ADAM12: variants seen among roughly 807,000 people sequenced by gnomAD.
The protein encoded by ADAM12 is disintegrin and metalloproteinase domain-containing protein 12.
Under a neutral mutation model 106.4 loss-of-function variants are expected in ADAM12, and 70 were observed. The observed-to-expected ratio is 0.66, with a 90% CI of 0.54 to 0.80. The LOEUF is 0.80. Among genes scored for constraint, ADAM12 ranks in the 30% least tolerant of loss-of-function variants. The pLI is 0.00. For synonymous variants in ADAM12, 420 were observed against 433.5 expected (o/e 0.97, Z 0.39); for missense variants, 1,010 against 1,171.9 (o/e 0.86, Z 2.02).
At chr10:126,185,595 G>C (rs1222093185) in intron 3 of ADAM12, among the ~76,000 whole-genome samples, 1 of 151,942 alleles carries the variant, frequency 6.6e-6, no homozygotes, top group Non-Finnish European at 1.5e-5. Context: ...TAGCAAAAAA[G>C]CTTCCCAAAA....
rs1407738218 is a variant in ADAM12 at position 126,014,866 on chromosome 10, T to TATTG, written c.*2409_*2412dup. The TATTG allele has an allele frequency of 2.7e-5, 4 of 150,650 alleles. No homozygotes were observed. The highest frequency in any genetic ancestry group is 4.4e-5 in the Non-Finnish European group (3 of 68,016). 9.3% of individuals were successfully genotyped at this position (150,650 alleles called of 1,614,324 possible). On this transcript the variant is annotated 3_prime_UTR_variant, in exon 23 of 23. Transcript: ENST00000448723. Reference sequence around the variant, plus strand: ...TACTAGATTGCCATTGAAATATAAGTATTGATTTTTTTTGTTTTGAGGATA... The same window carrying TATTG: ...TACTAGATTGCCATTGAAATATAAGTATTGATTGATTTTTTTTGTTTTGAGGATA...
At chr10:126,033,380 A>C (rs974541948) in intron 21 of ADAM12, among the ~76,000 whole-genome samples, 1 of 152,222 alleles carries the variant, frequency 6.6e-6, no homozygotes, top group East Asian at 1.9e-4. Flanking sequence ...GAATAAGTAC[A>C]TTTCACCCTA....
intron 1 of ADAM12, among the ~76,000 whole-genome samples, chr10:126,387,173 C>T (rs1856692462): frequency 6.6e-6 from 1 of 152,132 alleles, no homozygotes; most frequent in Non-Finnish European, 1.5e-5. Flanking sequence ...GACAGCGCCC[C>T]GGGCGGCAGA....
chr10:126,330,973 A>T (rs1200565960), intron 1 of ADAM12, among the ~76,000 whole-genome samples: 2 of 152,208 alleles, frequency 1.3e-5, no homozygotes. Flanking sequence ...GCACTTATGG[A>T]GTCTAATTTT....
chr10:126,344,658 T>A (rs978183444), intron 1 of ADAM12, among the ~76,000 whole-genome samples: 4 of 152,244 alleles, frequency 2.6e-5, no homozygotes, highest in Non-Finnish European at 5.9e-5. Context: ...TCCATGAGCA[T>A]GGAATCTTCT....
chr10:126,219,143 A>T (rs923303273), intron 3 of ADAM12, among the ~76,000 whole-genome samples: 1 of 152,204 alleles, frequency 6.6e-6, no homozygotes, highest in African/African-American at 2.4e-5. Context: ...GGCTCAGGCT[A>T]TTTGGGGTTT....
rs1167535323 is a variant in ADAM12 at position 126,041,980 on chromosome 10, T to TC, written c.2104+1059dup. 2.7e-5 allele frequency: 39 copies of TC among 1,431,188 alleles called. No individual in the cohort carries two copies. The Admixed American group carries it at 1.1e-3, about 39-fold the overall frequency. The allele number at this position is 1,431,188 out of a possible 1,614,324, so 88.7% of individuals were successfully genotyped here. A position where few individuals can be genotyped will look rare whatever the true frequency, so the allele number is the denominator to read the frequency against. ...GCAGACGTGCCTGGTAGGCTGGACT[T>TC]CCCCTCCTGAGCCCCGAGAACTGTG... On this transcript the variant is annotated intron_variant, in intron 18 of 22. Transcript: ENST00000448723.
At chr10:126,155,094 C>T in intron 4 of ADAM12, 133 bp downstream of exon 4, 1 of 925,214 alleles carries the variant, frequency 1.1e-6, no homozygotes, top group Non-Finnish European at 1.7e-6. Flanking sequence ...CACTAAGGGA[C>T]ACACCAGCGC....
At chr10:126,165,692 T>C (rs1350271254) in intron 3 of ADAM12, among the ~76,000 whole-genome samples, 1 of 152,220 alleles carries the variant, frequency 6.6e-6, no homozygotes, top group Non-Finnish European at 1.5e-5. Flanking sequence ...CATCAGCATA[T>C]GGTTCTGACG....
At chr10:126,249,348 T>C (rs1410540684) in intron 3 of ADAM12, among the ~76,000 whole-genome samples, 1 of 151,636 alleles carries the variant, frequency 6.6e-6, no homozygotes, top group Non-Finnish European at 1.5e-5. Flanking sequence ...TGATGGGGAG[T>C]GCATTTATGT....
chr10:126,109,416 CAT>C (rs1173961181), intron 7 of ADAM12, among the ~76,000 whole-genome samples: 4 of 152,142 alleles, frequency 2.6e-5, no homozygotes, highest in Non-Finnish European at 5.9e-5. Context: ...TGATTAATGA[CAT>C]ATGGGATATT....
At chr10:126,367,792 T>C (rs551868284) in intron 1 of ADAM12, among the ~76,000 whole-genome samples, 4 of 152,012 alleles carry the variant, frequency 2.6e-5, no homozygotes, top group East Asian at 3.9e-4. Context: ...TCAGATGACA[T>C]GGACGTATTT....
intron 2 of ADAM12, among the ~76,000 whole-genome samples, chr10:126,287,721 A>G (rs1254268794): frequency 6.6e-6 from 1 of 152,002 alleles, no homozygotes; most frequent in Non-Finnish European, 1.5e-5. Context: ...ACCTCCAGGC[A>G]CTGGCCTGGA....
At chr10:126,191,162 C>T (rs375893046) in intron 3 of ADAM12, among the ~76,000 whole-genome samples, 14 of 151,724 alleles carry the variant, frequency 9.2e-5, no homozygotes, top group Admixed American at 2.0e-4. Context: ...CCACCACGCC[C>T]GGCTAATTTT....
At chr10:126,173,436 G>A (rs905673482) in intron 3 of ADAM12, among the ~76,000 whole-genome samples, 3 of 152,024 alleles carry the variant, frequency 2.0e-5, no homozygotes, top group Admixed American at 6.6e-5. Context: ...GTGCTGGGGG[G>A]CTGTCCTGTG....
chr10:126,316,337 G>T (rs530784512), intron 2 of ADAM12, among the ~76,000 whole-genome samples: 1 of 152,290 alleles, frequency 6.6e-6, no homozygotes, highest in South Asian at 2.1e-4. Context: ...CAACAGAAAA[G>T]CAGGGTAATC....
At chr10:126,327,188 C>A (rs575547144) in intron 2 of ADAM12, among the ~76,000 whole-genome samples, 26 of 152,268 alleles carry the variant, frequency 1.7e-4, no homozygotes, top group African/African-American at 5.8e-4. Context: ...GAGCGACGTG[C>A]CTTTCATGCC....
intron 14 of ADAM12, among the ~76,000 whole-genome samples, chr10:126,051,588 T>TCCAGCCAGCCAGCCAGCCAGCCTG (rs199619555): frequency 8.0e-6 from 1 of 124,316 alleles, no homozygotes; most frequent in African/African-American, 3.1e-5. Flanking sequence ...CATCCATCCA[T>TCCAGCCAGCCAGCCAGCCAGCCTG]CCAGCCAGCC....
At chr10:126,286,967 GAT>G (rs1361269581) in intron 2 of ADAM12, among the ~76,000 whole-genome samples, 1 of 152,188 alleles carries the variant, frequency 6.6e-6, no homozygotes, top group Non-Finnish European at 1.5e-5. Flanking sequence ...TCTGCAGCAT[GAT>G]AGAGTCTTGG....
Sources: allele counts gnomAD v4.1 joint callset (sites outside exome capture counted in the v4.1 genomes callset), GRCh38; gene constraint gnomAD v4.1.1; transcripts MANE v1.5; gene names NCBI Gene and HGNC (gene_info 2026-07-23, HGNC 2026-07-21).